WNT7A: variants seen among roughly 807,000 people sequenced by gnomAD.
WNT7A encodes Wnt family member 7A.
WNT7A carries 16 observed loss-of-function variants against 28.2 expected under a neutral mutation model. That is an observed-to-expected ratio of 0.57 (90% CI 0.38 to 0.86). The LOEUF (loss-of-function observed/expected upper bound fraction) is 0.86, where lower values mean the gene tolerates loss of function less well. Among genes scored for constraint, WNT7A ranks in the 40% least tolerant of loss-of-function variants. The pLI, the probability that WNT7A is intolerant of heterozygous loss-of-function variation, is 0.00. For synonymous variants in WNT7A, 190 were observed against 195.9 expected (o/e 0.97, Z 0.25); for missense variants, 411 against 489.7 (o/e 0.84, Z 1.52).
At chr3:13,871,014 C>T (rs9837845) in intron 2 of WNT7A, among the ~76,000 whole-genome samples, 3,402 of 152,292 alleles carry the variant, frequency 0.022, 131 homozygotes, top group African/African-American at 0.078. Flanking sequence ...GCCAGGCATG[C>T]GATGAAGAAC....
chr3:13,822,641 G>T (rs1203880455), intron 3 of WNT7A, among the ~76,000 whole-genome samples: 2 of 152,210 alleles, frequency 1.3e-5, no homozygotes, highest in Non-Finnish European at 2.9e-5. Context: ...TTGTGGTGAT[G>T]GTTGCACATA....
chr3:13,876,727 T>C (rs1196363979), intron 1 of WNT7A, among the ~76,000 whole-genome samples: 1 of 137,236 alleles, frequency 7.3e-6, no homozygotes, highest in African/African-American at 3.1e-5. Context: ...GTAGGCACTC[T>C]GTCCTTGCTC....
chr3:13,866,574 T>G (rs9864031), intron 2 of WNT7A, among the ~76,000 whole-genome samples: 28,419 of 151,976 alleles, frequency 0.19, 2,897 homozygotes, highest in African/African-American at 0.24. Context: ...GAGGGGGTAA[T>G]GAAGGCTTCT....
At position 13,819,499 on chromosome 3, in the gene WNT7A, C is replaced by A. The variant is rs1403225281; in HGVS notation, c.571-76G>T. The A allele has an allele frequency of 1.8e-5, 27 of 1,498,320 alleles. 2 individuals are homozygous for A. The South Asian group carries it at 3.4e-4, about 19-fold the overall frequency. The allele number at this position is 1,498,320 out of a possible 1,614,324, so 92.8% of individuals were successfully genotyped here. A position where few individuals can be genotyped will look rare whatever the true frequency, so the allele number is the denominator to read the frequency against. On this transcript the variant is annotated intron_variant, in intron 3 of 3. Coordinates refer to ENST00000285018, the MANE Select transcript of WNT7A (RefSeq NM_004625.4). ...CCAAGTGCAGCCCCCAGCTCCCCCCCGCCCCCCACCCCTGCCCCACCTATC... is the reference window on the plus strand; with the variant it reads ...CCAAGTGCAGCCCCCAGCTCCCCCCAGCCCCCCACCCCTGCCCCACCTATC...
chr3:13,821,614 A>G (rs1694111029), intron 3 of WNT7A, among the ~76,000 whole-genome samples: 1 of 152,248 alleles, frequency 6.6e-6, no homozygotes, highest in Non-Finnish European at 1.5e-5. Flanking sequence ...AGCAAGCCAC[A>G]CTGACAGGGA....
intron 2 of WNT7A, among the ~76,000 whole-genome samples, chr3:13,865,558 C>T (rs1024595842): frequency 1.3e-5 from 2 of 152,174 alleles, no homozygotes; most frequent in East Asian, 3.8e-4. Context: ...CAGACATGAA[C>T]GTGCAGTTTT....
intron 2 of WNT7A, among the ~76,000 whole-genome samples, chr3:13,861,541 T>C (rs2124866839): frequency 6.6e-6 from 1 of 152,196 alleles, no homozygotes; most frequent in South Asian, 2.1e-4. Context: ...CACAGGGCAG[T>C]GATGGGAGTG....
intron 3 of WNT7A, among the ~76,000 whole-genome samples, chr3:13,846,136 C>T (rs951678186): frequency 6.6e-6 from 1 of 152,226 alleles, no homozygotes; most frequent in Non-Finnish European, 1.5e-5. Flanking sequence ...CAAGGACTGC[C>T]CCAAGGCCAC....
chr3:13,879,376 C>T (rs912133760), intron 1 of WNT7A, among the ~76,000 whole-genome samples: 5 of 152,188 alleles, frequency 3.3e-5, no homozygotes, highest in Admixed American at 6.5e-5. Context: ...GGCTGTGGTC[C>T]TGGCTTGATG....
intron 2 of WNT7A, among the ~76,000 whole-genome samples, chr3:13,860,455 T>A (rs560536361): frequency 6.6e-6 from 1 of 152,200 alleles, no homozygotes; most frequent in African/African-American, 2.4e-5. Context: ...AACTTATCAA[T>A]AAATAATTTA....
rs1007184780 is a variant in WNT7A, at chr3:13,819,412, C to A, written c.582G>T (p.Glu194Asp). 1 of 1,613,206 alleles carries A rather than the reference C, an allele frequency of 6.2e-7. No homozygotes were observed. Among genetic ancestry groups the A allele is most frequent in the Non-Finnish European group, 8.5e-7 (1 of 1,179,960 alleles). ...NNEAGRKILEENMKLECKCHG... is the reference protein window; with the variant it reads ...NNEAGRKILEDNMKLECKCHG... ...GGCACTTACATTCCAGCTTCATGTT[C>A]TCCTCCAGGATCTGCAGGGGAGGGC... Residue 194 changes from glutamate (E) to aspartate (D), a missense_variant, in exon 4 of 4, where the codon GAG becomes GAT. Transcript: ENST00000285018.
At chr3:13,839,948 C>A (rs1245483396) in intron 3 of WNT7A, among the ~76,000 whole-genome samples, 1 of 152,134 alleles carries the variant, frequency 6.6e-6, no homozygotes, top group Non-Finnish European at 1.5e-5. Context: ...AGGGTGGTGC[C>A]CTTCCTAACG....
At chr3:13,823,105 C>T (rs531054905) in intron 3 of WNT7A, among the ~76,000 whole-genome samples, 12 of 152,200 alleles carry the variant, frequency 7.9e-5, no homozygotes, top group Non-Finnish European at 1.5e-4. Context: ...GCTGCCTGGC[C>T]AGGGCTGGTC....
In WNT7A at chr3:13,854,852, T is replaced by A. The variant is rs753303789; in HGVS notation, c.299-49A>T. 7.5e-6 allele frequency: 12 copies of A among 1,607,234 alleles called. No individual in the cohort carries two copies. In the Admixed American group the frequency reaches 2.0e-4, roughly 27 times the overall value. On this transcript the variant is annotated intron_variant, in intron 2 of 3. Transcript: ENST00000285018. ...ACAAGTTGGGGTCAGGTCCCAAGCA[T>A]CTGAGAGGAGGCTGGGCCTGACTGA...
intron 3 of WNT7A, among the ~76,000 whole-genome samples, chr3:13,844,990 C>G (rs905970559): frequency 6.6e-6 from 1 of 152,200 alleles, no homozygotes; most frequent in African/African-American, 2.4e-5. Context: ...CAATTGTCCC[C>G]GGTGTGCGTC....
chr3:13,844,172 G>C (rs1694503592), intron 3 of WNT7A, among the ~76,000 whole-genome samples: 1 of 152,234 alleles, frequency 6.6e-6, no homozygotes, highest in Admixed American at 6.5e-5. Context: ...GCAGAGTTGG[G>C]ATGGCTGGAG....
Position 13,827,867 on chromosome 3 carries a change from G to A in WNT7A, c.571-8444C>T, listed in dbSNP as rs76739596. Reference sequence around the variant, plus strand: ...CTGAAGCACTGGGCGCTCCAGGATCGATCCTGCGCTGCCCTACTCCAGGAA... The same window carrying A: ...CTGAAGCACTGGGCGCTCCAGGATCAATCCTGCGCTGCCCTACTCCAGGAA... On this transcript the variant is annotated intron_variant, in intron 3 of 3. Coordinates refer to ENST00000285018, the MANE Select transcript of WNT7A (RefSeq NM_004625.4). 7.1e-3 allele frequency among the ~76,000 whole-genome samples: 1,079 copies of A among 152,218 alleles called. 9 individuals are homozygous for A. The highest frequency in any genetic ancestry group is 0.024 in the African/African-American group (1,009 of 41,528).
chr3:13,830,727 C>T (rs1452485188), intron 3 of WNT7A, among the ~76,000 whole-genome samples: 3 of 152,238 alleles, frequency 2.0e-5, no homozygotes, highest in Admixed American at 2.0e-4. Context: ...CCCCAAGCCA[C>T]ACTTTCTCTA....
At chr3:13,856,136 G>A (rs988739319) in intron 2 of WNT7A, among the ~76,000 whole-genome samples, 2 of 152,172 alleles carry the variant, frequency 1.3e-5, no homozygotes, top group African/African-American at 2.4e-5. Context: ...CCCATGCCAG[G>A]GCTGTCTTTG....
Sources: allele counts gnomAD v4.1 joint callset (sites outside exome capture counted in the v4.1 genomes callset), GRCh38; gene constraint gnomAD v4.1.1; transcripts MANE v1.5; gene names NCBI Gene and HGNC (gene_info 2026-07-23, HGNC 2026-07-21).